Variants in SRGAP3 observed in about 807,000 individuals in gnomAD.
The protein encoded by SRGAP3 is SLIT-ROBO Rho GTPase activating protein 3.
A neutral mutation model predicts 121.1 loss-of-function variants in SRGAP3; 39 were observed. The observed-to-expected ratio is 0.32, with a 90% CI of 0.25 to 0.42. The LOEUF is 0.42. Ranked by LOEUF, SRGAP3 falls within the 10% of genes least tolerant of loss-of-function variation. The pLI is 1.00. For synonymous variants in SRGAP3, 601 were observed against 570.0 expected, an observed-to-expected ratio of 1.05 and a Z score of -0.77; for missense variants, 1,213 against 1,470.6, an observed-to-expected ratio of 0.82 and a Z score of 2.86.
At chr3:9,212,093 CTTAG>C (rs1267839336) in intron 1 of SRGAP3, among the ~76,000 whole-genome samples, 7 of 127,320 alleles carry the variant, frequency 5.5e-5, no homozygotes, top group Admixed American at 5.4e-4. Context: ...GAAAAGTATA[CTTAG>C]TTAAAGGAGG....
intron 3 of SRGAP3, among the ~76,000 whole-genome samples, chr3:9,311,280 G>A (rs1955239748): frequency 6.6e-6 from 1 of 152,140 alleles, no homozygotes; most frequent in Non-Finnish European, 1.5e-5. Context: ...TAATCGCGAA[G>A]AGGCAAGAAT....
In SRGAP3 at chr3:9,047,088, T is replaced by A. The variant is rs550935328; in HGVS notation, c.1408+303A>T. On this transcript the variant is annotated intron_variant, in intron 10 of 21. Transcript: ENST00000383836. ...ACCTCGTGATCCGCCCACCTCAGCA[T>A]CCCAAAGTGCTGGGATTACAGGCGT... Among the ~76,000 whole-genome samples, 10 of 152,298 alleles carry A rather than the reference T, an allele frequency of 6.6e-5. No individual in the cohort carries two copies. In the South Asian group the frequency reaches 1.9e-3, roughly 28 times the overall value.
At chr3:9,168,475 A>G (rs1040438818) in intron 1 of SRGAP3, among the ~76,000 whole-genome samples, 12 of 152,246 alleles carry the variant, frequency 7.9e-5, no homozygotes, top group Admixed American at 5.2e-4. Flanking sequence ...CACATCACGC[A>G]TGAGCAGGAT....
intron 3 of SRGAP3, among the ~76,000 whole-genome samples, chr3:9,311,337 T>C (rs1955240870): frequency 6.6e-6 from 1 of 152,142 alleles, no homozygotes; most frequent in African/African-American, 2.4e-5. Context: ...AAGTGCAAGG[T>C]AACGTACTTC....
chr3:9,131,251 C>T (rs892344914), intron 1 of SRGAP3, among the ~76,000 whole-genome samples: 1 of 151,970 alleles, frequency 6.6e-6, no homozygotes, highest in African/African-American at 2.4e-5. Flanking sequence ...CAGTTCCAGC[C>T]ATAACACAGA....
At chr3:8,999,030 A>T (rs376027) in intron 18 of SRGAP3, among the ~76,000 whole-genome samples, 230 of 152,146 alleles carry the variant, frequency 1.5e-3, no homozygotes, top group Non-Finnish European at 1.9e-3. Flanking sequence ...TGTACAGTGT[A>T]AATTGACTAT....
intron 1 of SRGAP3, among the ~76,000 whole-genome samples, chr3:9,139,863 G>A (rs1333831297): frequency 6.6e-6 from 1 of 152,088 alleles, no homozygotes; most frequent in East Asian, 1.9e-4. Context: ...AGTCAGCTGA[G>A]GCCTCATGAA....
chr3:9,118,728 G>A (rs1443317984), intron 2 of SRGAP3, among the ~76,000 whole-genome samples: 1 of 151,326 alleles, frequency 6.6e-6, no homozygotes, highest in African/African-American at 2.5e-5. Flanking sequence ...GCAGGTCTCA[G>A]GAAATACCCC....
chr3:9,111,444 G>A (rs945256868), intron 2 of SRGAP3, among the ~76,000 whole-genome samples: 1 of 152,230 alleles, frequency 6.6e-6, no homozygotes, highest in Non-Finnish European at 1.5e-5. Context: ...AGGGCGGAGA[G>A]CCTGGTGCAT....
At chr3:9,016,029 GT>G in intron 14 of SRGAP3, 1 of 429,216 alleles carries the variant, frequency 2.3e-6, no homozygotes, top group South Asian at 2.5e-5. Flanking sequence ...TATATTTATT[GT>G]TGCTCCACTA....
chr3:9,229,862 G>A (rs961671005), intron 1 of SRGAP3, among the ~76,000 whole-genome samples: 1 of 152,130 alleles, frequency 6.6e-6, no homozygotes, highest in African/African-American at 2.4e-5. Flanking sequence ...CTGCTTCCTG[G>A]TTCTCTCTGC....
chr3:9,022,201 G>A (rs764623956), intron 14 of SRGAP3, among the ~76,000 whole-genome samples: 15 of 152,132 alleles, frequency 9.9e-5, no homozygotes, highest in South Asian at 2.1e-4. Context: ...GGTGGCACAC[G>A]CCTGTAGTCC....
At chr3:9,274,136 G>A (rs11918319) in intron 3 of SRGAP3, among the ~76,000 whole-genome samples, 7,184 of 152,224 alleles carry the variant, frequency 0.047, 580 homozygotes, top group African/African-American at 0.16. Context: ...CTGGCATCAT[G>A]TCTGGTACAT....
intron 2 of SRGAP3, among the ~76,000 whole-genome samples, chr3:9,117,938 G>A (rs1246328539): frequency 6.6e-6 from 1 of 151,966 alleles, no homozygotes; most frequent in Non-Finnish European, 1.5e-5. Flanking sequence ...GGACAACATA[G>A]CAAGACCCCT....
At chr3:9,349,071 C>G in intron 1 of SRGAP3, 1 of 952,026 alleles carries the variant, frequency 1.1e-6, no homozygotes, top group Non-Finnish European at 1.7e-6. Flanking sequence ...AACCTGCCCA[C>G]TGGTATTCCC....
At chr3:9,260,673 C>T (rs1954235854) in intron 3 of SRGAP3, among the ~76,000 whole-genome samples, 1 of 152,230 alleles carries the variant, frequency 6.6e-6, no homozygotes, top group Non-Finnish European at 1.5e-5. Flanking sequence ...ATACAATTCC[C>T]ATCTCCCTGG....
chr3:8,997,144 G>A (rs1245606692), intron 18 of SRGAP3, among the ~76,000 whole-genome samples: 1 of 152,162 alleles, frequency 6.6e-6, no homozygotes, highest in Non-Finnish European at 1.5e-5. Flanking sequence ...TCTGTTATTT[G>A]GGCTTCTCGT....
intron 3 of SRGAP3, among the ~76,000 whole-genome samples, chr3:9,289,322 C>T (rs542086315): frequency 6.6e-6 from 1 of 152,348 alleles, no homozygotes; most frequent in South Asian, 2.1e-4. Flanking sequence ...GGATCTGATT[C>T]TGCTATCTGT....
intron 3 of SRGAP3, among the ~76,000 whole-genome samples, chr3:9,262,054 T>G (rs1954267350): frequency 6.6e-6 from 1 of 152,078 alleles, no homozygotes; most frequent in South Asian, 2.1e-4. Context: ...GGGGCCCATA[T>G]TCAACATTTT....
Sources: gnomAD v4.1 joint callset for allele counts (sites outside exome capture counted in the v4.1 genomes callset) on GRCh38, gnomAD v4.1.1 for gene constraint, MANE v1.5 for transcripts, NCBI Gene and HGNC (gene_info 2026-07-23, HGNC 2026-07-21) for gene names.